OVCH2: variants seen among roughly 807,000 people sequenced by gnomAD.
OVCH2 encodes the protein ovochymase 2.
OVCH2 carries 88 observed loss-of-function variants against 73.7 expected under a neutral mutation model. That is an observed-to-expected ratio of 1.19 (90% CI 1.01 to 1.43). The LOEUF (loss-of-function observed/expected upper bound fraction) is 1.43, where lower values mean the gene tolerates loss of function less well. Among genes scored for constraint, OVCH2 ranks in the 40% most tolerant of loss-of-function variants. The pLI, the probability that OVCH2 is intolerant of heterozygous loss-of-function variation, is 0.00. For synonymous variants in OVCH2, 265 were observed against 234.5 expected (o/e 1.13, Z -1.19); for missense variants, 706 against 674.5 (o/e 1.05, Z -0.52).
At position 7,694,818 on chromosome 11, in the gene OVCH2, TTTTTTTTTA is replaced by T. The variant is rs796511993; in HGVS notation, c.1413+231_1413+239del. 3.2e-3 allele frequency among the ~76,000 whole-genome samples: 483 copies of T among 150,168 alleles called. 1 individual carries two copies. The highest frequency in any genetic ancestry group is 0.012 in the African/African-American group (473 of 40,976). ...TAAAGCGGCACTTTTTTTTTTTTTT[TTTTTTTTTA>T]AAGTAAGGAGCACAGTGCCATCTAG... On this transcript the variant is annotated intron_variant, in intron 12 of 15. Transcript: ENST00000533663.
At chr11:7,691,539 G>A (rs970207143) in intron 13 of OVCH2, 139 bp from the exon 14 acceptor site, 5 of 1,170,962 alleles carry the variant, frequency 4.3e-6, no homozygotes, top group Non-Finnish European at 5.8e-6. Context: ...TCTAAATAAA[G>A]GCAGCTCACT....
intron 12 of OVCH2, among the ~76,000 whole-genome samples, chr11:7,694,639 G>GTT (rs1452501314): frequency 4.5e-4 from 57 of 127,428 alleles, no homozygotes; most frequent in East Asian, 2.7e-3. Context: ...TTTGTGTTTT[G>GTT]AGAGTTTCGC....
Position 7,698,749 on chromosome 11 carries a change from C to A in OVCH2, c.925+1G>T. 6.2e-7 allele frequency: 1 copy of A among 1,612,466 alleles called. No homozygotes were observed. Among genetic ancestry groups the A allele is most frequent in the South Asian group, 1.1e-5 (1 of 90,462 alleles). ...TGGAGCAGCCTGCAAGGGATACCCA[C>A]CTCTGGAGCTCTTTCTCCGATTACC... On this transcript the variant is annotated splice_donor_variant, in intron 8 of 15. Transcript: ENST00000533663. LOFTEE classifies it high-confidence loss of function.
At position 7,703,721 on chromosome 11, in the gene OVCH2, C is replaced by T. The variant is rs958188565; in HGVS notation, c.267G>A (p.Thr89=). The change falls in exon 3 of 16, where the codon ACG becomes ACA. Residue 89 remains threonine (T), a synonymous_variant. Coordinates refer to ENST00000533663, the MANE Select transcript of OVCH2 (RefSeq NM_198185.7). ...ACCTGTTTGCAATGCAGTGAGCCGCCGTGATCACCCACTGTGGTGAGACGA... is the reference window on the plus strand; with the variant it reads ...ACCTGTTTGCAATGCAGTGAGCCGCTGTGATCACCCACTGTGGTGAGACGA... ...GSIVSPQWVI[T]AAHCIANRNI... The T allele has an allele frequency of 1.2e-5, 20 of 1,609,076 alleles. No individual in the cohort carries two copies. In the Admixed American group the frequency reaches 1.3e-4, roughly 11 times the overall value.
the OVCH2 span, among the ~76,000 whole-genome samples, chr11:7,683,916 A>G: frequency 2.6e-5 from 4 of 151,690 alleles, no homozygotes; most frequent in African/African-American, 9.7e-5. Context: ...TTTTTTTACA[A>G]TTGCAATACC....
intron 1 of OVCH2, among the ~76,000 whole-genome samples, chr11:7,705,880 G>T (rs1166163349): frequency 1.3e-5 from 2 of 152,142 alleles, no homozygotes; most frequent in Non-Finnish European, 2.9e-5. Flanking sequence ...AGTTGAAGGG[G>T]AAAAAAGACC....
intron 12 of OVCH2, 111 bp from the exon 13 acceptor site, chr11:7,692,106 T>C (rs1590903137): frequency 2.7e-6 from 2 of 730,564 alleles, no homozygotes; most frequent in Non-Finnish European, 2.3e-6. Context: ...AGACCTTAGA[T>C]AAGAAAGTTA....
intron 3 of OVCH2, 25 bp downstream of exon 3, chr11:7,703,673 C>T (rs752611553): frequency 1.0e-5 from 16 of 1,554,224 alleles, no homozygotes; most frequent in Non-Finnish European, 1.2e-5. Context: ...GTGTGGTCTT[C>T]ACTCATGGGC....
intron 3 of OVCH2, among the ~76,000 whole-genome samples, chr11:7,703,478 G>A (rs978050319): frequency 6.6e-6 from 1 of 151,932 alleles, no homozygotes; most frequent in Admixed American, 6.6e-5. Flanking sequence ...GTTATTTTAA[G>A]TAAAAACGAA....
rs761005166 is a variant in OVCH2, at chr11:7,702,310, T to G, written c.310A>C (p.Asn104His). 2.5e-6 allele frequency: 4 copies of G among 1,597,042 alleles called. No individual in the cohort carries two copies. In the South Asian group the frequency reaches 4.6e-5, roughly 18 times the overall value. Residue 104 changes from asparagine (N) to histidine (H), a missense_variant, in exon 4 of 16, where the codon AAT becomes CAT. Coordinates refer to ENST00000533663, the MANE Select transcript of OVCH2 (RefSeq NM_198185.7). ...AAGTCATACTCTCCAGCAGTAACAT[T>G]CAAAGTAGACACAATGTTTCTATGG... ...IANRNIVSTL[N>H]VTAGEYDLSQ...
chr11:7,695,362 C>T (rs1309659354), intron 11 of OVCH2, among the ~76,000 whole-genome samples, 174 bp from the exon 12 acceptor site: 1 of 152,186 alleles, frequency 6.6e-6, no homozygotes, highest in Non-Finnish European at 1.5e-5. Flanking sequence ...TCTCGACTCA[C>T]TTGGAGGGGC....
At chr11:7,695,290 ATTT>A in intron 11 of OVCH2, 102 bp from the exon 12 acceptor site, 1 of 1,326,456 alleles carries the variant, frequency 7.5e-7, no homozygotes, top group South Asian at 1.5e-5. Flanking sequence ...TATCAATTGC[ATTT>A]TCAGACACTG....
chr11:7,702,934 T>C (rs1856471187), intron 3 of OVCH2, among the ~76,000 whole-genome samples: 1 of 152,206 alleles, frequency 6.6e-6, no homozygotes, highest in South Asian at 2.1e-4. Context: ...TATACTTCCC[T>C]GACTCTTGGC....
the OVCH2 span, among the ~76,000 whole-genome samples, chr11:7,683,527 C>G: frequency 6.6e-6 from 1 of 152,290 alleles, no homozygotes; most frequent in East Asian, 1.9e-4. Context: ...CTCCCTTTCC[C>G]TCTCCTGCAG....
chr11:7,696,894 T>G, intron 8 of OVCH2, 95 bp from the exon 9 acceptor site: 1 of 1,114,326 alleles, frequency 9.0e-7, no homozygotes, highest in Non-Finnish European at 1.3e-6. Flanking sequence ...GCCTCCTGGT[T>G]CTTCTTGATG....
Position 7,689,609 on chromosome 11 carries a change from A to G in OVCH2, c.*32-7T>C. On this transcript the variant is annotated splice_region_variant and splice_polypyrimidine_tract_variant and intron_variant, in intron 15 of 15. Transcript: ENST00000533663. ...GTCACTGGTGCCCCTTGGCCTGTAG[A>G]TAATGTATTGCCCCAACCTCTGCCT... 2.1e-6 allele frequency: 1 copy of G among 479,302 alleles called. No individual in the cohort carries two copies. Among genetic ancestry groups the G allele is most frequent in the South Asian group, 1.5e-5 (1 of 64,740 alleles). 29.7% of individuals were successfully genotyped at this position (479,302 alleles called of 1,614,324 possible). A position where few individuals can be genotyped will look rare whatever the true frequency, so the allele number is the denominator to read the frequency against.
intron 5 of OVCH2, 34 bp from the exon 6 acceptor site, chr11:7,701,509 A>G (rs1366150663): frequency 1.3e-6 from 2 of 1,597,250 alleles, no homozygotes; most frequent in Non-Finnish European, 1.7e-6. Flanking sequence ...CCCAGCAGGA[A>G]CTCTTTCACC....
At chr11:7,696,900 T>C in intron 8 of OVCH2, 101 bp from the exon 9 acceptor site, 1 of 1,058,784 alleles carries the variant, frequency 9.4e-7, no homozygotes, top group Non-Finnish European at 1.4e-6. Flanking sequence ...TGGTTCTTCT[T>C]GATGTACTCT....
rs930204061 is a variant in OVCH2 at position 7,701,615 on chromosome 11, T to C, written c.559+101A>G. ...GACATTCCCTATCTTTAGAAATGTA[T>C]GCACAATCGATTTTTAAAAATGGAT... is the stretch of plus-strand genomic sequence containing the variant. On this transcript the variant is annotated intron_variant, in intron 5 of 15. Coordinates refer to ENST00000533663, the MANE Select transcript of OVCH2 (RefSeq NM_198185.7). 78 of 1,428,320 alleles carry C rather than the reference T, an allele frequency of 5.5e-5. 1 individual carries two copies. In the African/African-American group the frequency reaches 1.0e-3, roughly 18 times the overall value. The allele number at this position is 1,428,320 out of a possible 1,614,324, so 88.5% of individuals were successfully genotyped here. A position where few individuals can be genotyped will look rare whatever the true frequency, so the allele number is the denominator to read the frequency against.
Sources: allele counts gnomAD v4.1 joint callset (sites outside exome capture counted in the v4.1 genomes callset), GRCh38; gene constraint gnomAD v4.1.1; transcripts MANE v1.5; gene names NCBI Gene and HGNC (gene_info 2026-07-23, HGNC 2026-07-21).